The following ACACA variants were observed in gnomAD, a reference collection of about 807,000 sequenced individuals.
ACACA encodes the protein acetyl-CoA carboxylase 1.
Under a neutral mutation model 296.1 loss-of-function variants are expected in ACACA, and 103 were observed. The ratio of observed to expected loss-of-function variants is 0.35; its 90% confidence interval spans 0.30 to 0.41. The LOEUF is 0.41. Among genes scored for constraint, ACACA ranks in the 10% least tolerant of loss-of-function variants. The pLI, the probability that ACACA is intolerant of heterozygous loss-of-function variation, is 1.00. For synonymous variants in ACACA, 953 were observed against 1,038.6 expected, an observed-to-expected ratio of 0.92 and a Z score of 1.58; for missense variants, 1,554 against 2,989.7, an observed-to-expected ratio of 0.52 and a Z score of 11.20.
chr17:37,361,059 G>C (rs1317537951), intron 1 of ACACA, among the ~76,000 whole-genome samples: 1 of 125,990 alleles, frequency 7.9e-6, no homozygotes, highest in Non-Finnish European at 1.6e-5. Context: ...TTTTTTTTGA[G>C]ATGGAGTCTC....
chr17:37,174,008 ATATATATATATATTTTTTTT>A (rs1400759031), intron 41 of ACACA, among the ~76,000 whole-genome samples: 1 of 12,490 alleles, frequency 8.0e-5, no homozygotes, highest in Non-Finnish European at 1.3e-4. Flanking sequence ...ATATATATAT[ATATATATATATATTTTTTTT>A]TTTTTTTTTT....
intron 42 of ACACA, among the ~76,000 whole-genome samples, chr17:37,156,049 C>CTTTGT (rs1200049274): frequency 7.7e-6 from 1 of 129,292 alleles, no homozygotes. Flanking sequence ...TTCTTTCTTT[C>CTTTGT]TTTCTTTTTT....
intron 6 of ACACA, 75 bp from the exon 7 acceptor site, chr17:37,277,189 G>A (rs1384023996): frequency 7.4e-7 from 1 of 1,349,270 alleles, no homozygotes; most frequent in African/African-American, 1.4e-5. Flanking sequence ...TCTCTATCCA[G>A]GCTGGCCCTG....
intron 16 of ACACA, among the ~76,000 whole-genome samples, chr17:37,250,103 TA>T (rs1190559860): frequency 3.9e-5 from 6 of 152,254 alleles, no homozygotes; most frequent in Non-Finnish European, 4.4e-5. Context: ...CTTTCCTTTA[TA>T]AATTAGCCAG....
At chr17:37,205,230 T>C (rs1458027436) in intron 33 of ACACA, among the ~76,000 whole-genome samples, 2 of 151,676 alleles carry the variant, frequency 1.3e-5, no homozygotes, top group Non-Finnish European at 2.9e-5. Context: ...GTATAGTGAG[T>C]TGTGAGGTTT....
At chr17:37,312,345 T>C (rs1364576447) in intron 3 of ACACA, among the ~76,000 whole-genome samples, 1 of 152,192 alleles carries the variant, frequency 6.6e-6, no homozygotes, top group African/African-American at 2.4e-5. Flanking sequence ...TATGGCCTAA[T>C]TGTGGAAGAA....
At chr17:37,266,562 G>A (rs2081789289) in intron 10 of ACACA, among the ~76,000 whole-genome samples, 1 of 151,502 alleles carries the variant, frequency 6.6e-6, no homozygotes, top group Admixed American at 6.6e-5. Flanking sequence ...TAAAGTCACA[G>A]GCACTCTTGA....
intron 9 of ACACA, among the ~76,000 whole-genome samples, chr17:37,273,028 C>G (rs1467866265): frequency 1.3e-5 from 2 of 152,046 alleles, no homozygotes; most frequent in Non-Finnish European, 2.9e-5. Flanking sequence ...AGCAAAATAG[C>G]TAGAATAGCT....
At position 37,173,998 on chromosome 17, in the gene ACACA, A is replaced by T. The variant is rs1399283921; in HGVS notation, c.5079+5262T>A. ...CTGGCTAATTTATATATATATATATATATATATATATATATATATATATTT... is the reference window on the plus strand; with the variant it reads ...CTGGCTAATTTATATATATATATATTTATATATATATATATATATATATTT... On this transcript the variant is annotated intron_variant, in intron 41 of 55. Coordinates refer to ENST00000616317, the MANE Select transcript of ACACA (RefSeq NM_198834.3). 1.1e-3 allele frequency among the ~76,000 whole-genome samples: 9 copies of T among 8,316 alleles called. 1 individual carries two copies. Among genetic ancestry groups the T allele is most frequent in the African/African-American group, 6.5e-3 (7 of 1,084 alleles). 5.5% of individuals were successfully genotyped at this position (8,316 alleles called of 152,430 possible). A position where few individuals can be genotyped will look rare whatever the true frequency, so the allele number is the denominator to read the frequency against.
chr17:37,299,223 C>T (rs2083497074), intron 3 of ACACA: 2 of 1,547,660 alleles, frequency 1.3e-6, no homozygotes, highest in African/African-American at 1.4e-5. Context: ...GCTGTCAGTA[C>T]CTTACTGTTT....
At chr17:37,341,621 T>C (rs35287948) in intron 1 of ACACA, among the ~76,000 whole-genome samples, 55,866 of 147,446 alleles carry the variant, frequency 0.38, 14,054 homozygotes, top group African/African-American at 0.71. Flanking sequence ...ACCCGAGAGG[T>C]GGAGGTTGCA....
intron 14 of ACACA, among the ~76,000 whole-genome samples, chr17:37,254,180 A>G (rs1371336865): frequency 3.9e-5 from 6 of 152,236 alleles, no homozygotes; most frequent in Admixed American, 3.9e-4. Flanking sequence ...GCAGAATATC[A>G]TCAATGCCAG....
At chr17:37,155,364 AG>A (rs1433396506) in intron 43 of ACACA, among the ~76,000 whole-genome samples, 1 of 152,222 alleles carries the variant, frequency 6.6e-6, no homozygotes, top group East Asian at 1.9e-4. Context: ...ATATGTCTAT[AG>A]AAAAGACAGC....
At chr17:37,278,247 A>T (rs1324134233) in intron 5 of ACACA, among the ~76,000 whole-genome samples, 2 of 152,200 alleles carry the variant, frequency 1.3e-5, no homozygotes, top group African/African-American at 4.8e-5. Context: ...CCAACATTTC[A>T]CTATGTAATC....
Position 37,235,009 on chromosome 17 carries a change from A to T in ACACA, c.3212T>A (p.Val1071Asp). The change falls in exon 25 of 56, where the codon GTC becomes GAC. Residue 1071 changes from valine to aspartate, a missense_variant. This residue lies in a region of ACACA where 316 missense variants were observed against 540.9 expected (regional missense o/e 0.58). Transcript: ENST00000616317. Reference protein sequence around the residue: ...VLNYIFSHAQVTKKNLLVTML... With the variant: ...VLNYIFSHAQDTKKNLLVTML... ...TGTGACCAGAAGATTCTTCTTGGTG[A>T]CTTGAGCGTGAGAGAAGATGTAGTT... 1 of 1,613,968 alleles carries T rather than the reference A, an allele frequency of 6.2e-7. No individual in the cohort carries two copies. Among genetic ancestry groups the T allele is most frequent in the Non-Finnish European group, 8.5e-7 (1 of 1,179,950 alleles).
intron 54 of ACACA, among the ~76,000 whole-genome samples, chr17:37,094,750 C>T (rs937970805): frequency 2.0e-5 from 3 of 152,204 alleles, no homozygotes; most frequent in Non-Finnish European, 4.4e-5. Flanking sequence ...GGTTTCAAAG[C>T]CACATGCCCT....
At chr17:37,133,452 A>G (rs1163831881) in intron 45 of ACACA, among the ~76,000 whole-genome samples, 2 of 152,196 alleles carry the variant, frequency 1.3e-5, no homozygotes, top group African/African-American at 2.4e-5. Flanking sequence ...CTGGGTTAGG[A>G]TAAAATCCAT....
chr17:37,128,247 A>G (rs2074919500), intron 47 of ACACA, among the ~76,000 whole-genome samples: 1 of 152,118 alleles, frequency 6.6e-6, no homozygotes, highest in African/African-American at 2.4e-5. Context: ...ATAGCTATAT[A>G]ATAGCTATGT....
chr17:37,092,879 T>C (rs1307362845), intron 54 of ACACA, among the ~76,000 whole-genome samples: 4 of 152,228 alleles, frequency 2.6e-5, no homozygotes, highest in Non-Finnish European at 5.9e-5. Flanking sequence ...ACACCTACAC[T>C]TACAAGGCTA....
Sources: allele counts gnomAD v4.1 joint callset (sites outside exome capture counted in the v4.1 genomes callset), GRCh38; gene constraint gnomAD v4.1.1; regional missense constraint gnomAD v4.1.1; transcripts MANE v1.5; gene names NCBI Gene and HGNC (gene_info 2026-07-23, HGNC 2026-07-21).